CFAP54: variants seen among roughly 807,000 people sequenced by gnomAD.
CFAP54 encodes cilia- and flagella-associated protein 54.
In CFAP54, 290 loss-of-function variants were observed where a neutral mutation model predicts 370.4. The ratio of observed to expected loss-of-function variants is 0.78; its 90% CI spans 0.71 to 0.86. CFAP54 has a LOEUF of 0.86. CFAP54 is among the 40% of genes least tolerant of loss of function. CFAP54 has a pLI of 0.00. For synonymous variants in CFAP54, 1,206 were observed against 1,236.5 expected (o/e 0.98, Z 0.52); for missense variants, 3,399 against 3,528.7 (o/e 0.96, Z 0.93).
chr12:96,719,474 A>G (rs1957724194), intron 49 of CFAP54, among the ~76,000 whole-genome samples: 1 of 152,222 alleles, frequency 6.6e-6, no homozygotes, highest in Admixed American at 6.5e-5. Context: ...TGTCTACTGT[A>G]AAAATCTCAT....
chr12:96,786,407 C>T (rs754989421), intron 61 of CFAP54, among the ~76,000 whole-genome samples: 1 of 152,116 alleles, frequency 6.6e-6, no homozygotes, highest in Non-Finnish European at 1.5e-5. Context: ...TCTCAAACTC[C>T]TGACCTCAGG....
chr12:96,716,825 A>T (rs921082062), intron 48 of CFAP54, among the ~76,000 whole-genome samples: 1 of 152,232 alleles, frequency 6.6e-6, no homozygotes, highest in African/African-American at 2.4e-5. Context: ...GAGGCCAGGA[A>T]GTATAGCTTG....
intron 1 of CFAP54, among the ~76,000 whole-genome samples, chr12:96,490,170 T>G (rs928963721): frequency 5.9e-5 from 9 of 152,240 alleles, no homozygotes; most frequent in African/African-American, 2.2e-4. Flanking sequence ...CACAGAAATG[T>G]TTCATAACTC....
At chr12:96,594,670 TC>T (rs1956158964) in intron 25 of CFAP54, among the ~76,000 whole-genome samples, 1 of 152,198 alleles carries the variant, frequency 6.6e-6, no homozygotes, top group Admixed American at 6.5e-5. Context: ...TCGTCCCTGT[TC>T]CTGTCCATAT....
At chr12:96,631,426 G>A (rs981570623) in intron 32 of CFAP54, among the ~76,000 whole-genome samples, 5 of 151,684 alleles carry the variant, frequency 3.3e-5, no homozygotes, top group Non-Finnish European at 7.4e-5. Context: ...AACCACATAT[G>A]TATGTAGCCC....
At chr12:96,664,785 A>ATC (rs1565934533) in intron 39 of CFAP54, among the ~76,000 whole-genome samples, 1,695 of 25,952 alleles carry the variant, frequency 0.065, 84 homozygotes, top group South Asian at 0.27. Flanking sequence ...ATCTATATAT[A>ATC]TATATATATA....
intron 67 of CFAP54, among the ~76,000 whole-genome samples, chr12:96,868,990 T>C (rs138948496): frequency 1.2e-3 from 181 of 152,298 alleles, no homozygotes; most frequent in African/African-American, 4.1e-3. Context: ...TAACATCCCA[T>C]TAAAAAACTG....
At chr12:96,841,287 A>G (rs1959213056) in intron 66 of CFAP54, among the ~76,000 whole-genome samples, 2 of 152,244 alleles carry the variant, frequency 1.3e-5, no homozygotes, top group African/African-American at 4.8e-5. Context: ...TGTTCACAGC[A>G]GGTGAGAGAC....
At chr12:96,725,571 T>G (rs1957822541) in intron 50 of CFAP54, among the ~76,000 whole-genome samples, 2 of 152,176 alleles carry the variant, frequency 1.3e-5, no homozygotes, top group South Asian at 4.1e-4. Context: ...TTAAGGAGAT[T>G]TTGGGCTGAG....
chr12:96,820,405 A>C (rs944513636), intron 65 of CFAP54, among the ~76,000 whole-genome samples: 1 of 152,150 alleles, frequency 6.6e-6, no homozygotes, highest in African/African-American at 2.4e-5. Flanking sequence ...ACTTGTTGGC[A>C]TTTTTAGTTT....
intron 39 of CFAP54, among the ~76,000 whole-genome samples, chr12:96,676,501 T>C (rs907005173): frequency 6.6e-6 from 1 of 152,060 alleles, no homozygotes; most frequent in Non-Finnish European, 1.5e-5. Context: ...ATAAATTAGG[T>C]CATGAGGGTG....
chr12:96,871,721 C>G (rs1265154136), intron 67 of CFAP54, among the ~76,000 whole-genome samples: 1 of 151,808 alleles, frequency 6.6e-6, no homozygotes, highest in African/African-American at 2.4e-5. Context: ...GAAAAAGAAC[C>G]AAATGGAAAT....
chr12:96,577,203 C>G (rs576382771), intron 20 of CFAP54, among the ~76,000 whole-genome samples: 1 of 152,196 alleles, frequency 6.6e-6, no homozygotes, highest in African/African-American at 2.4e-5. Context: ...GAGGTTCTGC[C>G]CAAAGTCCTT....
At chr12:96,594,065 C>T (rs815897) in intron 24 of CFAP54, among the ~76,000 whole-genome samples, 47,196 of 151,858 alleles carry the variant, frequency 0.31, 7,483 homozygotes, top group South Asian at 0.35. Context: ...TCTGTTATGG[C>T]ACTTGTATTG....
At chr12:96,523,833 T>G (rs978661697) in intron 8 of CFAP54, among the ~76,000 whole-genome samples, 11 of 152,092 alleles carry the variant, frequency 7.2e-5, no homozygotes, top group Non-Finnish European at 1.6e-4. Flanking sequence ...CAAAGAAAAA[T>G]GTTTAAAATT....
chr12:96,651,521 A>T (rs1050844927), intron 35 of CFAP54, 67 bp from the exon 36 acceptor site: 1 of 1,263,824 alleles, frequency 7.9e-7, no homozygotes, highest in Non-Finnish European at 1.1e-6. Context: ...TTGGAAAAAG[A>T]TGAAGTTGTT....
chr12:96,686,532 A>G (rs1452533200), intron 42 of CFAP54, among the ~76,000 whole-genome samples: 1 of 152,202 alleles, frequency 6.6e-6, no homozygotes, highest in African/African-American at 2.4e-5. Flanking sequence ...GCTTTCAATT[A>G]TGACAGAAGG....
chr12:96,700,919 C>A (rs981968265), intron 46 of CFAP54, among the ~76,000 whole-genome samples: 1 of 152,094 alleles, frequency 6.6e-6, no homozygotes, highest in Admixed American at 6.5e-5. Flanking sequence ...CTAAAGCAAC[C>A]TGGAGAATGA....
intron 64 of CFAP54, among the ~76,000 whole-genome samples, chr12:96,816,024 A>G (rs1238934009): frequency 6.6e-6 from 1 of 152,212 alleles, no homozygotes; most frequent in Non-Finnish European, 1.5e-5. Context: ...CTTTTTGCTT[A>G]GTACTGTCTT....
Sources: gnomAD v4.1 joint callset for allele counts (sites outside exome capture counted in the v4.1 genomes callset) on GRCh38, gnomAD v4.1.1 for gene constraint, MANE v1.5 for transcripts, NCBI Gene and HGNC (gene_info 2026-07-23, HGNC 2026-07-21) for gene names.